RAB3C: variants seen among roughly 807,000 people sequenced by gnomAD.
RAB3C encodes ras-related protein Rab-3C.
In RAB3C, 17 loss-of-function variants were observed where a neutral mutation model predicts 26.4. That is an observed-to-expected ratio of 0.64 (90% CI 0.44 to 0.97). The LOEUF is 0.97. RAB3C is among the 50% of genes least tolerant of loss of function. The pLI is 0.00. For synonymous variants in RAB3C, 91 were observed against 95.9 expected, an observed-to-expected ratio of 0.95 and a Z score of 0.30; for missense variants, 242 against 281.9, an observed-to-expected ratio of 0.86 and a Z score of 1.01.
At chr5:58,849,017 T>A (rs1190608717) in intron 4 of RAB3C, among the ~76,000 whole-genome samples, 2 of 152,208 alleles carry the variant, frequency 1.3e-5, no homozygotes, top group African/African-American at 4.8e-5. Context: ...GCTTCTGAGA[T>A]CAAAGATAAT....
At chr5:58,698,316 C>T (rs765780192) in intron 2 of RAB3C, among the ~76,000 whole-genome samples, 19 of 152,208 alleles carry the variant, frequency 1.2e-4, no homozygotes, top group Non-Finnish European at 2.2e-4. Context: ...ATGGGCTTCC[C>T]TTTGAGGGTA....
intron 1 of RAB3C, among the ~76,000 whole-genome samples, chr5:58,591,190 A>C (rs949826310): frequency 6.6e-6 from 1 of 152,108 alleles, no homozygotes. Context: ...TGAACATTCC[A>C]TGTGTGCTTG....
At chr5:58,844,320 T>G (rs1342966862) in intron 4 of RAB3C, among the ~76,000 whole-genome samples, 1 of 152,198 alleles carries the variant, frequency 6.6e-6, no homozygotes, top group Non-Finnish European at 1.5e-5. Flanking sequence ...AATGCTACCA[T>G]CTGGTCATGC....
rs113466395 is a variant in RAB3C at position 58,598,727 on chromosome 5, A to G, written c.24+15495A>G. Among the ~76,000 whole-genome samples the G allele has an allele frequency of 3.7e-3, 558 of 152,214 alleles. 4 individuals carry two copies. Among genetic ancestry groups the G allele is most frequent in the African/African-American group, 0.013 (524 of 41,552 alleles). ...TACCCCAAGAGGTATATTGATAAAT[A>G]CTTTTTGTGGCATATCATAACAATT... On this transcript the variant is annotated intron_variant, in intron 1 of 4. Coordinates refer to ENST00000282878, the MANE Select transcript of RAB3C (RefSeq NM_138453.4).
At chr5:58,673,498 C>T (rs1748165311) in intron 2 of RAB3C, among the ~76,000 whole-genome samples, 1 of 149,528 alleles carries the variant, frequency 6.7e-6, no homozygotes, top group Non-Finnish European at 1.5e-5. Context: ...ATACAATTTT[C>T]AATCCTCATT....
chr5:58,854,009 G>C lies in RAB3C; in HGVS notation c.*2658G>C, dbSNP rs1744174671. ...GTTACTTATAAATTATAACACTATA[G>C]TTCCAAGGTTTTTCAGCCTTTTGGC... On this transcript the variant is annotated 3_prime_UTR_variant, in exon 5 of 5. Coordinates refer to ENST00000282878, the MANE Select transcript of RAB3C (RefSeq NM_138453.4). 1 of 146,312 alleles carries C rather than the reference G, an allele frequency of 6.8e-6. No individual in the cohort carries two copies. The highest frequency in any genetic ancestry group is 2.6e-5 in the African/African-American group (1 of 38,844). 9.1% of individuals were successfully genotyped at this position (146,312 alleles called of 1,614,324 possible).
intron 2 of RAB3C, among the ~76,000 whole-genome samples, chr5:58,677,780 A>AAGC (rs1748258383): frequency 1.3e-5 from 2 of 152,298 alleles, no homozygotes; most frequent in South Asian, 4.1e-4. Flanking sequence ...AGAATTGACA[A>AAGC]AGCCTATAGC....
At chr5:58,789,006 A>AGTC (rs1437257430) in intron 3 of RAB3C, among the ~76,000 whole-genome samples, 8 of 152,170 alleles carry the variant, frequency 5.3e-5, no homozygotes, top group Admixed American at 5.2e-4. Flanking sequence ...TATGCTAAGG[A>AGTC]ACATGGGCAC....
At chr5:58,799,965 T>C (rs532523658) in intron 3 of RAB3C, among the ~76,000 whole-genome samples, 3 of 152,340 alleles carry the variant, frequency 2.0e-5, no homozygotes, top group South Asian at 4.1e-4. Context: ...TTCAAAGACA[T>C]TATCAGCTAT....
At chr5:58,641,558 G>C (rs1747413177) in intron 2 of RAB3C, among the ~76,000 whole-genome samples, 1 of 152,174 alleles carries the variant, frequency 6.6e-6, no homozygotes. Flanking sequence ...CCCATGATGG[G>C]AGCACTCTGG....
intron 2 of RAB3C, among the ~76,000 whole-genome samples, chr5:58,647,067 A>G (rs1747537222): frequency 6.6e-6 from 1 of 152,136 alleles, no homozygotes; most frequent in Non-Finnish European, 1.5e-5. Context: ...CTCAAATCAA[A>G]TGTAGATCCT....
chr5:58,758,243 CT>C (rs1741719718), intron 3 of RAB3C, among the ~76,000 whole-genome samples: 1 of 152,058 alleles, frequency 6.6e-6, no homozygotes, highest in Non-Finnish European at 1.5e-5. Context: ...GGTGCCCGGC[CT>C]TTATTTGTTT....
chr5:58,788,972 A>G (rs2112011430), intron 3 of RAB3C, among the ~76,000 whole-genome samples: 1 of 152,306 alleles, frequency 6.6e-6, no homozygotes, highest in African/African-American at 2.4e-5. Flanking sequence ...GGAGATTTAA[A>G]AATAGAGGCT....
chr5:58,616,283 G>T (rs995009633), intron 1 of RAB3C, among the ~76,000 whole-genome samples: 11 of 152,278 alleles, frequency 7.2e-5, no homozygotes, highest in African/African-American at 2.2e-4. Flanking sequence ...CACTTGAAAT[G>T]TGGCTAGTAG....
chr5:58,610,666 T>A (rs2111706762), intron 1 of RAB3C, among the ~76,000 whole-genome samples: 2 of 152,224 alleles, frequency 1.3e-5, no homozygotes, highest in South Asian at 4.1e-4. Context: ...TTTTTTTGGA[T>A]AATTTACCCT....
intron 2 of RAB3C, among the ~76,000 whole-genome samples, chr5:58,714,717 A>G (rs77843929): frequency 6.6e-6 from 1 of 152,220 alleles, no homozygotes; most frequent in Non-Finnish European, 1.5e-5. Flanking sequence ...TTTTTTTTAA[A>G]TATAAATTTC....
intron 2 of RAB3C, among the ~76,000 whole-genome samples, chr5:58,670,955 T>G (rs1748104217): frequency 4.6e-5 from 7 of 152,166 alleles, no homozygotes; most frequent in Admixed American, 4.6e-4. Context: ...ATCATATGTT[T>G]TTCAGGTAGG....
rs1316195060 is a variant in RAB3C at position 58,733,346 on chromosome 5, G to T, written c.371+7226G>T. On this transcript the variant is annotated intron_variant, in intron 3 of 4. Transcript: ENST00000282878. ...TTGGAGTGTTTTATAAAAATCACAG[G>T]GATGTTAGATGGCTATAAACAATCA... Among the ~76,000 whole-genome samples, 6 of 152,260 alleles carry T rather than the reference G, an allele frequency of 3.9e-5. No homozygotes were observed. In the East Asian group the frequency reaches 1.2e-3, roughly 29 times the overall value.
intron 2 of RAB3C, among the ~76,000 whole-genome samples, chr5:58,651,865 G>A (rs1002088698): frequency 2.6e-5 from 4 of 152,110 alleles, no homozygotes; most frequent in African/African-American, 4.8e-5. Flanking sequence ...TATAACGTAC[G>A]CACATCCTCT....
Sources: allele counts gnomAD v4.1 joint callset (sites outside exome capture counted in the v4.1 genomes callset), GRCh38; gene constraint gnomAD v4.1.1; transcripts MANE v1.5; gene names NCBI Gene and HGNC (gene_info 2026-07-23, HGNC 2026-07-21).